Variants in STX17 observed in about 807,000 individuals in gnomAD.
STX17 encodes syntaxin-17.
A neutral mutation model predicts 35.9 loss-of-function variants in STX17; 29 were observed. The observed-to-expected ratio is 0.81, with a 90% CI of 0.60 to 1.10. The LOEUF is 1.10. Ranked by LOEUF, STX17 falls within the 50% of genes least tolerant of loss-of-function variation. The pLI is 0.00. For synonymous variants in STX17, 92 were observed against 118.3 expected (o/e 0.78, Z 1.44); for missense variants, 312 against 352.3 (o/e 0.89, Z 0.92).
At chr9:99,951,461 C>A (rs1020359123) in intron 4 of STX17, among the ~76,000 whole-genome samples, 176 bp downstream of exon 4, 1 of 152,018 alleles carries the variant, frequency 6.6e-6, no homozygotes, top group South Asian at 2.1e-4. Context: ...GGATATTTTG[C>A]AGAATAAAAA....
chr9:99,923,427 C>T (rs1828926930), intron 2 of STX17, among the ~76,000 whole-genome samples: 1 of 151,976 alleles, frequency 6.6e-6, no homozygotes, highest in Admixed American at 6.6e-5. Flanking sequence ...GTTAGGTTAC[C>T]CAGGCATTCA....
chr9:99,969,061 T>C lies in STX17; in HGVS notation c.*388T>C, dbSNP rs1011048188. 1 of 157,204 alleles carries C rather than the reference T, an allele frequency of 6.4e-6. No individual in the cohort carries two copies. The highest frequency in any genetic ancestry group is 2.4e-5 in the African/African-American group (1 of 41,464). 9.7% of individuals were successfully genotyped at this position (157,204 alleles called of 1,614,324 possible). On this transcript the variant is annotated 3_prime_UTR_variant, in exon 8 of 8. Coordinates refer to ENST00000259400, the MANE Select transcript of STX17 (RefSeq NM_017919.3). ...AGACCTTAATGCTAAGTGTAGATTATTGAGGTTTGTTAGTGAGGAAAAGAA... is the reference window on the plus strand; with the variant it reads ...AGACCTTAATGCTAAGTGTAGATTACTGAGGTTTGTTAGTGAGGAAAAGAA...
Position 99,951,303 on chromosome 9 carries a change from G to T in STX17, c.415+18G>T, listed in dbSNP as rs747058332. ...TGTTGGTGGTAATGTATTGTGCTAA[G>T]TCTTATTCTCAGTCACAGTAGTGCA... On this transcript the variant is annotated intron_variant, in intron 4 of 7. Coordinates refer to ENST00000259400, the MANE Select transcript of STX17 (RefSeq NM_017919.3). 1 of 1,608,468 alleles carries T rather than the reference G, an allele frequency of 6.2e-7. No homozygotes were observed. Among genetic ancestry groups the T allele is most frequent in the South Asian group, 1.1e-5 (1 of 90,880 alleles).
intron 1 of STX17, among the ~76,000 whole-genome samples, chr9:99,910,187 C>A (rs1052236168): frequency 2.0e-5 from 3 of 151,032 alleles, no homozygotes; most frequent in Non-Finnish European, 2.9e-5. Context: ...GAGCTGAGAT[C>A]GCACCACTTC....
At chr9:99,921,455 C>A (rs546807714) in intron 2 of STX17, among the ~76,000 whole-genome samples, 49 of 152,022 alleles carry the variant, frequency 3.2e-4, no homozygotes, top group Non-Finnish European at 6.0e-4. Context: ...GGAATTGTGA[C>A]CTTTCATCTA....
intron 1 of STX17, chr9:99,914,155 T>G (rs1479260985): frequency 6.6e-6 from 1 of 152,150 alleles, no homozygotes; most frequent in Non-Finnish European, 1.5e-5. Flanking sequence ...AAAGTCTGTA[T>G]GTGAATTCCT....
At chr9:99,942,791 A>AT (rs1272952201) in intron 3 of STX17, among the ~76,000 whole-genome samples, 2 of 151,568 alleles carry the variant, frequency 1.3e-5, no homozygotes, top group African/African-American at 2.4e-5. Flanking sequence ...TGAAAACTTC[A>AT]TTTTTTTTCC....
chr9:99,924,947 TA>T (rs994831099), intron 2 of STX17, among the ~76,000 whole-genome samples: 9 of 152,314 alleles, frequency 5.9e-5, no homozygotes, highest in Admixed American at 2.0e-4. Context: ...AGTTAACTTC[TA>T]TTTTTTAGTT....
At chr9:99,910,424 G>A (rs1268258317) in intron 1 of STX17, among the ~76,000 whole-genome samples, 2 of 151,992 alleles carry the variant, frequency 1.3e-5, no homozygotes, top group Non-Finnish European at 2.9e-5. Context: ...GTTTCTGGTA[G>A]GAACATAATA....
intron 3 of STX17, among the ~76,000 whole-genome samples, chr9:99,947,387 A>C (rs964949465): frequency 6.6e-6 from 1 of 152,004 alleles, no homozygotes; most frequent in African/African-American, 2.4e-5. Flanking sequence ...ACATTTGCTC[A>C]TTCCCTCATT....
intron 6 of STX17, among the ~76,000 whole-genome samples, chr9:99,961,048 G>C (rs535818845): frequency 2.6e-5 from 4 of 152,174 alleles, no homozygotes; most frequent in Non-Finnish European, 5.9e-5. Flanking sequence ...GCCTGTTCCA[G>C]ATTGACAAGT....
At chr9:99,928,745 A>T in intron 2 of STX17, 33 bp from the exon 3 acceptor site, 1 of 1,597,678 alleles carries the variant, frequency 6.3e-7, no homozygotes, top group Non-Finnish European at 8.6e-7. Flanking sequence ...TAGTGATGAA[A>T]AATTTAATAC....
In STX17 at chr9:99,972,462, A is replaced by G. The variant is rs1001071234; in HGVS notation, c.*3789A>G. ...AAAGACATTTTGCAGATCATCCCAG[A>G]AAAGGGGGTATGATGGTGCTGTGTA... On this transcript the variant is annotated 3_prime_UTR_variant, in exon 8 of 8. Transcript: ENST00000259400. Among the ~76,000 whole-genome samples the G allele has an allele frequency of 6.6e-6, 1 of 152,138 alleles. No individual in the cohort carries two copies. Among genetic ancestry groups the G allele is most frequent in the Non-Finnish European group, 1.5e-5 (1 of 68,024 alleles).
intron 2 of STX17, among the ~76,000 whole-genome samples, chr9:99,923,323 T>A (rs1828925234): frequency 6.6e-6 from 1 of 152,178 alleles, no homozygotes; most frequent in Non-Finnish European, 1.5e-5. Flanking sequence ...AAAATTATAA[T>A]CTTCCTCATA....
rs112067071 is a variant in STX17 at position 99,963,366 on chromosome 9, G to C, written c.582+3211G>C. The stretch of plus-strand genomic sequence containing the variant: ...AGTAGTTCAGTAACAACTCACCCTT[G>C]CTGCTAGTCTGTTTTGACTTCTGCC... On this transcript the variant is annotated intron_variant, in intron 6 of 7. Coordinates refer to ENST00000259400, the MANE Select transcript of STX17 (RefSeq NM_017919.3). Among the ~76,000 whole-genome samples, 32 of 152,218 alleles carry C rather than the reference G, an allele frequency of 2.1e-4. 1 individual carries two copies. Among genetic ancestry groups the C allele is most frequent in the African/African-American group, 7.0e-4 (29 of 41,560 alleles).
rs905145681 is a variant in STX17, at chr9:99,915,361, A to G, written c.122A>G (p.Lys41Arg). The change falls in exon 2 of 8, where the codon AAG (lysine) becomes AGG (arginine). Residue 41 changes from lysine (K) to arginine (R), a missense_variant and splice_region_variant. By Grantham distance (26) the Lys-to-Arg change is conservative. Transcript: ENST00000259400. ...AGAAAGCACCAGATAAATATTGAGA[A>G]GGTGAGCTGTTTCATTTACTACCAC... ...RLRKHQINIE[K>R]YQRCRIWDKL... The G allele has an allele frequency of 2.3e-5, 36 of 1,588,568 alleles. No individual in the cohort carries two copies. Among genetic ancestry groups the G allele is most frequent in the Non-Finnish European group, 3.0e-5 (35 of 1,170,370 alleles).
In STX17 at chr9:99,906,687, C is replaced by T. The variant is rs1436534202; in HGVS notation, c.-82C>T. The T allele has an allele frequency of 2.0e-5, 3 of 152,036 alleles. No individual in the cohort carries two copies. In the South Asian group the frequency reaches 6.2e-4, roughly 31 times the overall value. 9.4% of individuals were successfully genotyped at this position (152,036 alleles called of 1,614,324 possible). ...GCCTGCGCCGTGCCCACCGACCGGC[C>T]TCGAGCGCCCCGGCGGGAGGTAAGG... On this transcript the variant is annotated 5_prime_UTR_variant, in exon 1 of 8. Transcript: ENST00000259400.
rs571050139 is a variant in STX17 at position 99,915,050 on chromosome 9, G to A, written c.-62-128G>A. On this transcript the variant is annotated intron_variant, in intron 1 of 7. Coordinates refer to ENST00000259400, the MANE Select transcript of STX17 (RefSeq NM_017919.3). ...AGTGGTTTCATAAAGAAAAAAACAA[G>A]TCACTCAAGGTCAGCATTAGAAATA... 23 of 450,500 alleles carry A rather than the reference G, an allele frequency of 5.1e-5. 1 individual carries two copies. The highest frequency in any genetic ancestry group is 7.9e-5 in the Non-Finnish European group (23 of 290,294). 27.9% of individuals were successfully genotyped at this position (450,500 alleles called of 1,614,324 possible). A position where few individuals can be genotyped will look rare whatever the true frequency, so the allele number is the denominator to read the frequency against.
chr9:99,913,972 C>CTTTTTTTTTT (rs111673894), intron 1 of STX17: 1 of 140,358 alleles, frequency 7.1e-6, no homozygotes, highest in Non-Finnish European at 1.5e-5. Flanking sequence ...CTTTTTTTTT[C>CTTTTTTTTTT]TTTTTTTTTT....
Sources: gnomAD v4.1 joint callset for allele counts (sites outside exome capture counted in the v4.1 genomes callset) on GRCh38, gnomAD v4.1.1 for gene constraint, MANE v1.5 for transcripts, NCBI Gene and HGNC (gene_info 2026-07-23, HGNC 2026-07-21) for gene names.